EXO1: variants seen among roughly 807,000 people sequenced by gnomAD.
EXO1 encodes the protein exonuclease 1.
EXO1 carries 69 observed loss-of-function variants against 84.5 expected under a neutral mutation model. That is an observed-to-expected ratio of 0.82 (90% CI 0.67 to 1.00). EXO1 has a LOEUF of 1.00. Among genes scored for constraint, EXO1 ranks in the 50% least tolerant of loss-of-function variants. The pLI, the probability that EXO1 is intolerant of heterozygous loss-of-function variation, is 0.00. For missense variants in EXO1, 1,045 were observed against 1,000.7 expected (o/e 1.04, Z -0.60); for synonymous variants, 373 against 366.1 (o/e 1.02, Z -0.21).
intron 11 of EXO1, among the ~76,000 whole-genome samples, chr1:241,867,351 T>C (rs1457204916): frequency 6.6e-6 from 1 of 151,980 alleles, no homozygotes; most frequent in African/African-American, 2.4e-5. Flanking sequence ...AGTGAAAGGG[T>C]TTTCCCTTAT....
intron 7 of EXO1, among the ~76,000 whole-genome samples, 193 bp from the exon 8 acceptor site, chr1:241,858,313 C>T (rs1362296432): frequency 2.0e-5 from 3 of 152,184 alleles, no homozygotes; most frequent in African/African-American, 7.2e-5. Context: ...AGCTGTATAG[C>T]CTTGTCTAGT....
chr1:241,849,471 A>G (rs1660531024), intron 3 of EXO1, among the ~76,000 whole-genome samples: 1 of 152,212 alleles, frequency 6.6e-6, no homozygotes, highest in Non-Finnish European at 1.5e-5. Context: ...TTGAAGCTGT[A>G]TTTGCATAGC....
intron 10 of EXO1, among the ~76,000 whole-genome samples, chr1:241,864,967 A>G (rs894238902): frequency 5.3e-5 from 8 of 151,024 alleles, no homozygotes; most frequent in Non-Finnish European, 1.0e-4. Flanking sequence ...CCTGGGCTCA[A>G]GCGATCTTCA....
At chr1:241,879,899 CG>C (rs764871218) in intron 13 of EXO1, among the ~76,000 whole-genome samples, 108 of 151,008 alleles carry the variant, frequency 7.2e-4, no homozygotes, top group Middle Eastern at 3.4e-3. Context: ...CCCAGCTATT[CG>C]GGAGGCTGAG....
At chr1:241,877,028 C>T (rs1662443899) in intron 12 of EXO1, among the ~76,000 whole-genome samples, 1 of 152,212 alleles carries the variant, frequency 6.6e-6, no homozygotes, top group Non-Finnish European at 1.5e-5. Flanking sequence ...TATGTGCAAG[C>T]ATTCATTACC....
intron 15 of EXO1, 86 bp downstream of exon 15, chr1:241,885,593 T>C (rs1451337627): frequency 9.7e-7 from 1 of 1,028,656 alleles, no homozygotes; most frequent in East Asian, 2.4e-5. Flanking sequence ...CTTCCTAGTT[T>C]CGTATGAGTT....
In EXO1 at chr1:241,886,877, T is replaced by C. The variant is rs144648830; in HGVS notation, c.2405+1370T>C. On this transcript the variant is annotated intron_variant, in intron 15 of 15. Coordinates refer to ENST00000366548, the MANE Select transcript of EXO1 (RefSeq NM_130398.4). ...TTTTGCAAATCTTTACTATCTAGTT[T>C]GCAAATCTTTACTGTCTGGCTTAAT... is the stretch of plus-strand genomic sequence containing the variant. Among the ~76,000 whole-genome samples the C allele has an allele frequency of 4.7e-4, 71 of 152,278 alleles. 1 individual carries two copies. The highest frequency in any genetic ancestry group is 1.5e-3 in the African/African-American group (64 of 41,548).
Position 241,872,110 on chromosome 1 carries a change from G to T in EXO1, c.1346G>T (p.Gly449Val). 6.2e-7 allele frequency: 1 copy of T among 1,613,718 alleles called. No homozygotes were observed. Among genetic ancestry groups the T allele is most frequent in the Non-Finnish European group, 8.5e-7 (1 of 1,179,752 alleles). ...TKKTKKNSSE[G>V]NKSLSFSEVF... ...AAGACCAAGAAAAATAGCTCTGAAG[G>T]CAATAAATCATTGAGCTTTTCTGAA... The change falls in exon 12 of 16, where the codon GGC becomes GTC. Residue 449 changes from glycine to valine, a missense_variant. Coordinates refer to ENST00000366548, the MANE Select transcript of EXO1 (RefSeq NM_130398.4).
At chr1:241,865,368 C>T (rs1187464491) in intron 10 of EXO1, among the ~76,000 whole-genome samples, 2 of 151,942 alleles carry the variant, frequency 1.3e-5, no homozygotes, top group Non-Finnish European at 2.9e-5. Context: ...TGTGCCACCA[C>T]GCCCGGCTGA....
intron 12 of EXO1, among the ~76,000 whole-genome samples, chr1:241,874,416 G>C (rs138798160): frequency 4.9e-4 from 75 of 152,246 alleles, no homozygotes; most frequent in Non-Finnish European, 9.1e-4. Context: ...GAAAAGAAAA[G>C]AAACTTTGAG....
chr1:241,862,095 C>T (rs377673384), intron 10 of EXO1, among the ~76,000 whole-genome samples: 1 of 152,106 alleles, frequency 6.6e-6, no homozygotes, highest in Non-Finnish European at 1.5e-5. Context: ...TGCACCACCA[C>T]GCCCGGCTAA....
chr1:241,872,417 C>A, intron 12 of EXO1, 139 bp downstream of exon 12: 1 of 859,184 alleles, frequency 1.2e-6, no homozygotes, highest in Non-Finnish European at 1.9e-6. Context: ...AGTTTTGTTA[C>A]ATGGGTATAC....
rs374203846 is a variant in EXO1, at chr1:241,858,721, A to G, written c.756+3A>G. 9 of 1,586,938 alleles carry G rather than the reference A, an allele frequency of 5.7e-6. No individual in the cohort carries two copies. The African/African-American group carries it at 1.1e-4, about 19-fold the overall frequency. On this transcript the variant is annotated splice_donor_region_variant and intron_variant, in intron 8 of 15. Coordinates refer to ENST00000366548, the MANE Select transcript of EXO1 (RefSeq NM_130398.4). ...CCAATAATCCAGATATAGTAAAGGTAAGAGTGATTTGCTAAGTGTCATATT... is the reference window on the plus strand; with the variant it reads ...CCAATAATCCAGATATAGTAAAGGTGAGAGTGATTTGCTAAGTGTCATATT...
At chr1:241,885,645 C>G in intron 15 of EXO1, 138 bp downstream of exon 15, 1 of 728,722 alleles carries the variant, frequency 1.4e-6, no homozygotes, top group Non-Finnish European at 2.5e-6. Context: ...TCTCTCTTCC[C>G]TTTAGCTAAC....
chr1:241,857,195 GT>G (rs1661103292), intron 6 of EXO1, 149 bp from the exon 7 acceptor site: 3 of 732,118 alleles, frequency 4.1e-6, no homozygotes, highest in Non-Finnish European at 2.4e-6. Flanking sequence ...AAAACTTACA[GT>G]AGAAAAACTC....
intron 11 of EXO1, among the ~76,000 whole-genome samples, chr1:241,869,769 T>A: frequency 3.7e-5 from 1 of 26,798 alleles, no homozygotes; most frequent in Non-Finnish European, 7.4e-5. Flanking sequence ...CTTCCTTCCC[T>A]CCCTCCCTCC....
intron 15 of EXO1, among the ~76,000 whole-genome samples, chr1:241,887,690 G>A (rs758997679): frequency 1.2e-4 from 19 of 152,214 alleles, no homozygotes; most frequent in Non-Finnish European, 1.9e-4. Flanking sequence ...CCAGGCTGGA[G>A]TGCAGTGGCA....
Position 241,878,906 on chromosome 1 carries a change from A to G in EXO1, c.1672A>G (p.Asn558Asp), listed in dbSNP as rs1236649834. The G allele has an allele frequency of 3.1e-6, 5 of 1,614,100 alleles. No homozygotes were observed. Among genetic ancestry groups the G allele is most frequent in the Non-Finnish European group, 4.2e-6 (5 of 1,180,042 alleles). ...ACTGGTTGACACAGATGTAGCACGTAATTCAAGTGATGACATTCCGAATAA... is the reference window on the plus strand; with the variant it reads ...ACTGGTTGACACAGATGTAGCACGTGATTCAAGTGATGACATTCCGAATAA... ...KRLVDTDVAR[N>D]SSDDIPNNHI... The change falls in exon 13 of 16, where the codon AAT becomes GAT. Residue 558 changes from asparagine (N) to aspartate (D), a missense_variant. By Grantham distance (23) the Asn-to-Asp change is conservative. Transcript: ENST00000366548.
intron 12 of EXO1, among the ~76,000 whole-genome samples, chr1:241,873,549 A>G (rs1318055089): frequency 1.3e-5 from 2 of 151,994 alleles, no homozygotes; most frequent in Non-Finnish European, 2.9e-5. Context: ...TTTGCAAAGT[A>G]TTTTCAGAAA....
Sources: gnomAD v4.1 joint callset for allele counts (sites outside exome capture counted in the v4.1 genomes callset) on GRCh38, gnomAD v4.1.1 for gene constraint, MANE v1.5 for transcripts, NCBI Gene and HGNC (gene_info 2026-07-23, HGNC 2026-07-21) for gene names.